Variants in RPH3AL observed in about 807,000 individuals in gnomAD.
RPH3AL encodes the protein rabphilin 3A like (without C2 domains).
Under a neutral mutation model 43.1 loss-of-function variants are expected in RPH3AL, and 38 were observed. The ratio of observed to expected loss-of-function variants is 0.88; its 90% confidence interval spans 0.68 to 1.15. RPH3AL has a LOEUF of 1.15. Among genes scored for constraint, RPH3AL ranks in the 50% most tolerant of loss-of-function variants. The pLI is 0.00. For synonymous variants in RPH3AL, 189 were observed against 176.3 expected, an observed-to-expected ratio of 1.07 and a Z score of -0.57; for missense variants, 462 against 423.2, an observed-to-expected ratio of 1.09 and a Z score of -0.81.
intron 5 of RPH3AL, among the ~76,000 whole-genome samples, chr17:316,710 G>T (rs1319306721): frequency 5.4e-5 from 8 of 149,122 alleles, no homozygotes; most frequent in African/African-American, 1.7e-4. Context: ...TTGACCTGTA[G>T]TCTCTGTGCC....
chr17:286,488 C>T (rs367944435), intron 5 of RPH3AL, among the ~76,000 whole-genome samples: 5 of 152,312 alleles, frequency 3.3e-5, no homozygotes, highest in African/African-American at 1.2e-4. Context: ...AGACGACACG[C>T]TCCCACTCAA....
chr17:255,927 C>T (rs375578125), intron 6 of RPH3AL, among the ~76,000 whole-genome samples: 23 of 27,780 alleles, frequency 8.3e-4, no homozygotes, highest in South Asian at 4.0e-3. Context: ...AGCCGCACGG[C>T]GTCTGTCCTT....
intron 6 of RPH3AL, among the ~76,000 whole-genome samples, chr17:266,203 GGTGTGTGT>G (rs35841649): frequency 6.7e-6 from 1 of 148,618 alleles, no homozygotes; most frequent in Non-Finnish European, 1.5e-5. Flanking sequence ...AGGCCCCAGT[GGTGTGTGT>G]GTGTGTGTGT....
chr17:326,220 A>G (rs1339965701), intron 3 of RPH3AL, among the ~76,000 whole-genome samples: 1 of 152,228 alleles, frequency 6.6e-6, no homozygotes, highest in African/African-American at 2.4e-5. Flanking sequence ...GAAGGGGACC[A>G]GTTAACTGTG....
chr17:222,207 C>G (rs1279910722), intron 7 of RPH3AL, among the ~76,000 whole-genome samples: 1 of 152,202 alleles, frequency 6.6e-6, no homozygotes, highest in East Asian at 1.9e-4. Context: ...AGTTTCAGAA[C>G]AATTCTGTGA....
intron 7 of RPH3AL, among the ~76,000 whole-genome samples, chr17:242,703 C>T (rs1349013634): frequency 3.7e-5 from 4 of 108,302 alleles, no homozygotes; most frequent in Admixed American, 2.7e-4. Flanking sequence ...TTACCTTCCT[C>T]TATTGATTAC....
At chr17:240,080 A>G (rs2041491720) in intron 7 of RPH3AL, among the ~76,000 whole-genome samples, 1 of 152,060 alleles carries the variant, frequency 6.6e-6, no homozygotes, top group South Asian at 2.1e-4. Flanking sequence ...TCTACTAAAA[A>G]TACAAAATTA....
At chr17:226,488 C>A (rs538580798) in intron 7 of RPH3AL, among the ~76,000 whole-genome samples, 2 of 152,218 alleles carry the variant, frequency 1.3e-5, no homozygotes, top group Non-Finnish European at 2.9e-5. Context: ...AATCCCATTT[C>A]TAATCCACTC....
At chr17:350,310 C>G (rs1330598327) in intron 1 of RPH3AL, among the ~76,000 whole-genome samples, 1 of 152,026 alleles carries the variant, frequency 6.6e-6, no homozygotes, top group Non-Finnish European at 1.5e-5. Context: ...AACCTCATCT[C>G]TACTAAAAAT....
In RPH3AL at chr17:246,579, C is replaced by A. The variant is rs1008367071; in HGVS notation, c.613+532G>T. Among the ~76,000 whole-genome samples, 2 of 152,080 alleles carry A rather than the reference C, an allele frequency of 1.3e-5. No homozygotes were observed. Among genetic ancestry groups the A allele is most frequent in the African/African-American group, 2.4e-5 (1 of 41,414 alleles). On this transcript the variant is annotated intron_variant, in intron 7 of 9. Coordinates refer to ENST00000331302, the MANE Select transcript of RPH3AL (RefSeq NM_006987.4). This position sits in a 1 kb window ranked among gnomAD's most constrained non-coding sequence, Gnocchi z 4.8. ...GCGGAGAACGGTCCACAACCAGGCG[C>A]CCCCATCGTTGCCAAGTGGGGCGGC...
At chr17:273,548 G>A (rs113711408) in intron 6 of RPH3AL, among the ~76,000 whole-genome samples, 1 of 78,282 alleles carries the variant, frequency 1.3e-5, no homozygotes, top group African/African-American at 5.3e-5. Flanking sequence ...CGAGGGTGAC[G>A]TCAGGGAGAG....
At chr17:250,126 AC>A (rs1555541803) in intron 6 of RPH3AL, among the ~76,000 whole-genome samples, 3 of 144,232 alleles carry the variant, frequency 2.1e-5, no homozygotes, top group South Asian at 2.2e-4. Flanking sequence ...TCGCTGCGGG[AC>A]CTCTCGGAGC....
intron 1 of RPH3AL, among the ~76,000 whole-genome samples, chr17:334,235 G>A (rs938689053): frequency 2.6e-5 from 4 of 152,228 alleles, no homozygotes; most frequent in South Asian, 2.1e-4. Context: ...ACCGCGGCTC[G>A]ACCCTGACCT....
chr17:232,662 T>G (rs2041255359), intron 7 of RPH3AL, among the ~76,000 whole-genome samples: 1 of 152,198 alleles, frequency 6.6e-6, no homozygotes, highest in South Asian at 2.1e-4. Flanking sequence ...CAGACACAAC[T>G]GTCTATGACA....
chr17:312,411 C>T (rs557457164), intron 5 of RPH3AL, among the ~76,000 whole-genome samples: 5 of 152,336 alleles, frequency 3.3e-5, no homozygotes, highest in African/African-American at 1.2e-4. Flanking sequence ...CCTCACCAGA[C>T]ACAGAATCAG....
At chr17:216,604 G>A (rs1028618084) in intron 8 of RPH3AL, among the ~76,000 whole-genome samples, 2 of 152,042 alleles carry the variant, frequency 1.3e-5, no homozygotes, top group African/African-American at 4.8e-5. Flanking sequence ...ATGGTGGGAG[G>A]AGGAGGGGAG....
At chr17:216,817 T>G (rs2040814261) in intron 8 of RPH3AL, among the ~76,000 whole-genome samples, 1 of 152,170 alleles carries the variant, frequency 6.6e-6, no homozygotes, top group South Asian at 2.1e-4. Flanking sequence ...ATCAGGGCTC[T>G]GTGGAAAGAG....
intron 8 of RPH3AL, among the ~76,000 whole-genome samples, chr17:216,656 C>T (rs1024789781): frequency 6.6e-6 from 1 of 152,062 alleles, no homozygotes; most frequent in Non-Finnish European, 1.5e-5. Flanking sequence ...AGGTAAGTTT[C>T]CTTTATACTC....
intron 1 of RPH3AL, chr17:341,565 G>A (rs2045120482): frequency 6.6e-6 from 1 of 152,132 alleles, no homozygotes; most frequent in South Asian, 2.1e-4. Flanking sequence ...GAATGTCAGG[G>A]TAAATTTTCA....
Sources: allele counts gnomAD v4.1 joint callset (sites outside exome capture counted in the v4.1 genomes callset), GRCh38; gene constraint gnomAD v4.1.1; non-coding constraint Gnocchi (gnomAD v3.1); transcripts MANE v1.5; gene names NCBI Gene and HGNC (gene_info 2026-07-23, HGNC 2026-07-21).